ICA1: variants seen among roughly 807,000 people sequenced by gnomAD.
ICA1 encodes 69 kDa islet cell autoantigen.
A neutral mutation model predicts 71.0 loss-of-function variants in ICA1; 40 were observed. That is an observed-to-expected ratio of 0.56 (90% CI 0.44 to 0.73). The LOEUF (loss-of-function observed/expected upper bound fraction) is 0.73, where lower values mean the gene tolerates loss of function less well. Ranked by LOEUF, ICA1 falls within the 30% of genes least tolerant of loss-of-function variation. ICA1 has a pLI of 0.00. For synonymous variants in ICA1, 207 were observed against 209.5 expected (o/e 0.99, Z 0.10); for missense variants, 578 against 576.5 (o/e 1.00, Z -0.03).
At chr7:8,183,957 A>C (rs1783080418) in intron 6 of ICA1, among the ~76,000 whole-genome samples, 2 of 152,176 alleles carry the variant, frequency 1.3e-5, no homozygotes, top group Admixed American at 6.5e-5. Flanking sequence ...AAGAATAAAA[A>C]ATATAGACTA....
At chr7:8,202,477 T>C (rs1790062646) in intron 6 of ICA1, among the ~76,000 whole-genome samples, 1 of 152,234 alleles carries the variant, frequency 6.6e-6, no homozygotes, top group Admixed American at 6.5e-5. Context: ...TCACTTCTAC[T>C]TTACATTCAA....
chr7:8,124,932 G>A (rs542316979), intron 13 of ICA1, among the ~76,000 whole-genome samples: 3 of 152,074 alleles, frequency 2.0e-5, no homozygotes, highest in South Asian at 2.1e-4. Flanking sequence ...GGACCTACAG[G>A]TGCACACCAC....
chr7:8,139,068 C>T, intron 10 of ICA1, 21 bp from the exon 11 acceptor site: 1 of 1,596,620 alleles, frequency 6.3e-7, no homozygotes, highest in Non-Finnish European at 8.6e-7. Flanking sequence ...ACATGTGCAA[C>T]TGGTTACCAA....
chr7:8,186,834 G>C (rs866795332), intron 6 of ICA1, among the ~76,000 whole-genome samples: 38 of 152,150 alleles, frequency 2.5e-4, no homozygotes, highest in African/African-American at 7.5e-4. Flanking sequence ...AAACTAGTTA[G>C]AGTTGTATTC....
chr7:8,122,107 A>T (rs1385933319), intron 13 of ICA1, among the ~76,000 whole-genome samples: 1 of 152,202 alleles, frequency 6.6e-6, no homozygotes, highest in Admixed American at 6.5e-5. Flanking sequence ...AGCATGCTGC[A>T]CAGGTGAGTG....
chr7:8,121,196 T>C (rs1460960097), intron 13 of ICA1, among the ~76,000 whole-genome samples: 2 of 152,152 alleles, frequency 1.3e-5, no homozygotes, highest in African/African-American at 2.4e-5. Flanking sequence ...CCTGAGGACA[T>C]CATCTTCAAG....
intron 6 of ICA1, among the ~76,000 whole-genome samples, chr7:8,206,239 T>G (rs572295147): frequency 6.6e-6 from 1 of 152,162 alleles, no homozygotes; most frequent in African/African-American, 2.4e-5. Context: ...TTTGGTGGAT[T>G]TCCCTCAGGC....
At chr7:8,207,608 A>G (rs1314350756) in intron 6 of ICA1, among the ~76,000 whole-genome samples, 1 of 152,188 alleles carries the variant, frequency 6.6e-6, no homozygotes, top group African/African-American at 2.4e-5. Context: ...TCACTAAAGG[A>G]GACAAAGCGA....
chr7:8,206,824 A>G (rs1235599465), intron 6 of ICA1, among the ~76,000 whole-genome samples: 1 of 151,596 alleles, frequency 6.6e-6, no homozygotes, highest in Non-Finnish European at 1.5e-5. Flanking sequence ...TATTTGAGAG[A>G]TTTCTTCATT....
At chr7:8,120,754 G>A (rs3807847) in intron 13 of ICA1, among the ~76,000 whole-genome samples, 1 of 152,078 alleles carries the variant, frequency 6.6e-6, no homozygotes, top group Non-Finnish European at 1.5e-5. Context: ...ACTGCCCCCC[G>A]TTACTTACAT....
intron 6 of ICA1, among the ~76,000 whole-genome samples, chr7:8,174,771 A>AAAAAAAAAAAAAAAAACAAAAAACC (rs1554310916): frequency 1.2e-4 from 13 of 106,042 alleles, no homozygotes; most frequent in Non-Finnish European, 2.2e-4. Flanking sequence ...AAAAAAAAAA[A>AAAAAAAAAAAAAAAAACAAAAAACC]AAAAAAAACA....
At chr7:8,232,557 C>G (rs1318499134) in intron 3 of ICA1, 33 bp downstream of exon 3, 1 of 1,568,138 alleles carries the variant, frequency 6.4e-7, no homozygotes, top group African/African-American at 1.4e-5. Flanking sequence ...AGCAAGGTGG[C>G]TGTGTTGGGG....
At chr7:8,122,289 G>T (rs976125445) in intron 13 of ICA1, among the ~76,000 whole-genome samples, 4 of 152,252 alleles carry the variant, frequency 2.6e-5, no homozygotes, top group Non-Finnish European at 5.9e-5. Flanking sequence ...TGGACAGTGA[G>T]GAGACAGTCG....
chr7:8,217,619 A>C (rs747390914), intron 6 of ICA1, among the ~76,000 whole-genome samples: 2 of 152,240 alleles, frequency 1.3e-5, no homozygotes, highest in Non-Finnish European at 2.9e-5. Context: ...GTACACAACA[A>C]AAATCTCGCT....
intron 6 of ICA1, among the ~76,000 whole-genome samples, chr7:8,161,381 G>C (rs963547609): frequency 1.3e-5 from 2 of 152,310 alleles, no homozygotes; most frequent in South Asian, 2.1e-4. Flanking sequence ...GGAACAGAGA[G>C]GGGTGGGGTT....
At chr7:8,225,653 C>T (rs1267977658) in intron 4 of ICA1, among the ~76,000 whole-genome samples, 1 of 152,176 alleles carries the variant, frequency 6.6e-6, no homozygotes, top group Non-Finnish European at 1.5e-5. Context: ...TGTACACTAA[C>T]CCATGCATAC....
intron 7 of ICA1, 188 bp downstream of exon 7, chr7:8,158,339 A>G: frequency 1.4e-5 from 9 of 630,424 alleles, no homozygotes; most frequent in Non-Finnish European, 2.2e-5. Context: ...TGGTATATAC[A>G]GGAAATAACT....
chr7:8,210,358 G>C (rs949181129), intron 6 of ICA1, among the ~76,000 whole-genome samples: 1 of 152,164 alleles, frequency 6.6e-6, no homozygotes, highest in Non-Finnish European at 1.5e-5. Flanking sequence ...CTGTCATTTT[G>C]GGGATGTGTG....
intron 13 of ICA1, 60 bp from the exon 14 acceptor site, chr7:8,114,104 CG>C: frequency 1.3e-6 from 2 of 1,581,942 alleles, no homozygotes; most frequent in Admixed American, 3.3e-5. Context: ...CTCTGCCATG[CG>C]GGATGCAGGC....
Sources: allele counts gnomAD v4.1 joint callset (sites outside exome capture counted in the v4.1 genomes callset), GRCh38; gene constraint gnomAD v4.1.1; transcripts MANE v1.5; gene names NCBI Gene and HGNC (gene_info 2026-07-23, HGNC 2026-07-21).